The following LOXHD1 variants were observed in gnomAD, a reference collection of about 807,000 sequenced individuals.
The protein encoded by LOXHD1 is lipoxygenase homology PLAT domains 1, also known as lipoxygenase homology domain-containing protein 1.
Under a neutral mutation model 248.2 loss-of-function variants are expected in LOXHD1, and 205 were observed. The ratio of observed to expected loss-of-function variants is 0.83; its 90% CI spans 0.74 to 0.93. The LOEUF (loss-of-function observed/expected upper bound fraction) is 0.93. Ranked by LOEUF, LOXHD1 falls within the 40% of genes least tolerant of loss-of-function variation. The probability of loss-of-function intolerance (pLI) is 0.00; values close to 1 mark genes in which losing one functional copy is unlikely to be tolerated. For synonymous variants in LOXHD1, 1,113 were observed against 1,162.8 expected (o/e 0.96, Z 0.87); for missense variants, 2,930 against 2,971.6 (o/e 0.99, Z 0.33).
chr18:46,487,187 C>A (rs935861629), intron 38 of LOXHD1, among the ~76,000 whole-genome samples: 1 of 152,142 alleles, frequency 6.6e-6, no homozygotes. Flanking sequence ...CATAAAGGGG[C>A]CACCAGCAAA....
rs909418493 is a variant in LOXHD1 at position 46,611,045 on chromosome 18, A to G, written c.611-121T>C. ...AGTTAACAAGGGCAACTTCCTCCTGAGATCTAAGGGCTCCTTACATCCCTC... is the reference window on the plus strand; with the variant it reads ...AGTTAACAAGGGCAACTTCCTCCTGGGATCTAAGGGCTCCTTACATCCCTC... On this transcript the variant is annotated intron_variant, in intron 5 of 40. Transcript: ENST00000642948. 17 of 1,163,544 alleles carry G rather than the reference A, an allele frequency of 1.5e-5. No individual in the cohort carries two copies. In the African/African-American group the frequency reaches 2.5e-4, roughly 17 times the overall value. 72.1% of individuals were successfully genotyped at this position (1,163,544 alleles called of 1,614,324 possible).
intron 16 of LOXHD1, among the ~76,000 whole-genome samples, chr18:46,569,137 T>C (rs2037700840): frequency 6.6e-6 from 1 of 152,200 alleles, no homozygotes; most frequent in Admixed American, 6.5e-5. Context: ...TACATTGGTC[T>C]TGGATATGTA....
intron 2 of LOXHD1, 105 bp from the exon 3 acceptor site, chr18:46,642,141 G>A (rs996162450): frequency 7.9e-6 from 8 of 1,009,796 alleles, no homozygotes; most frequent in African/African-American, 1.6e-5. Context: ...TCCCACTCCT[G>A]GGGAGAGCTA....
intron 18 of LOXHD1, among the ~76,000 whole-genome samples, chr18:46,562,245 T>C (rs2037544793): frequency 6.6e-6 from 1 of 152,220 alleles, no homozygotes; most frequent in South Asian, 2.1e-4. Flanking sequence ...GCCCAGGTCC[T>C]AGTTCAGCCA....
chr18:46,540,334 C>T (rs1054272888), intron 25 of LOXHD1, among the ~76,000 whole-genome samples: 1 of 152,176 alleles, frequency 6.6e-6, no homozygotes, highest in African/African-American at 2.4e-5. Context: ...TGACCACTAG[C>T]CCCACAATGG....
chr18:46,618,450 G>T (rs1203769155), intron 4 of LOXHD1, among the ~76,000 whole-genome samples, 160 bp from the exon 5 acceptor site: 1 of 152,158 alleles, frequency 6.6e-6, no homozygotes, highest in East Asian at 1.9e-4. Flanking sequence ...AGTCCACATT[G>T]GTTCCAAATG....
chr18:46,520,418 G>A, intron 33 of LOXHD1: 1 of 406,318 alleles, frequency 2.5e-6, no homozygotes, highest in Non-Finnish European at 4.9e-6. Context: ...AAACCCACAG[G>A]GTCAGGTGAA....
rs1247516586 is a variant in LOXHD1, at chr18:46,538,385, AAAAC to A, written c.3914-52_3914-49del. On this transcript the variant is annotated intron_variant, in intron 25 of 40. Coordinates refer to ENST00000642948, the MANE Select transcript of LOXHD1 (RefSeq NM_001384474.1). The stretch of plus-strand genomic sequence containing the variant: ...AAAGCCAGAGTGGATGAGAGAACAG[AAAAC>A]AAACATGGTGAGAGCCAGTTCTTCA... 6.6e-6 allele frequency: 10 copies of A among 1,515,434 alleles called. No homozygotes were observed. In the Admixed American group the frequency reaches 2.0e-4, roughly 30 times the overall value. The allele number at this position is 1,515,434 out of a possible 1,614,324, so 93.9% of individuals were successfully genotyped here. A position where few individuals can be genotyped will look rare whatever the true frequency, so the allele number is the denominator to read the frequency against.
At chr18:46,584,620 A>G (rs2038025058) in intron 12 of LOXHD1, among the ~76,000 whole-genome samples, 1 of 152,146 alleles carries the variant, frequency 6.6e-6, no homozygotes, top group South Asian at 2.1e-4. Context: ...AGATGTTTTT[A>G]TTACTGAATT....
intron 39 of LOXHD1, among the ~76,000 whole-genome samples, chr18:46,484,156 G>A (rs962900095): frequency 6.6e-6 from 1 of 152,114 alleles, no homozygotes; most frequent in African/African-American, 2.4e-5. Flanking sequence ...TTGGGTTCAG[G>A]GAGGGAAAAG....
chr18:46,595,759 C>T (rs1341068298), intron 8 of LOXHD1, among the ~76,000 whole-genome samples: 1 of 152,196 alleles, frequency 6.6e-6, no homozygotes, highest in African/African-American at 2.4e-5. Flanking sequence ...GTTGAGGGCA[C>T]AGGAGGGTAT....
At chr18:46,518,008 G>A in intron 34 of LOXHD1, 121 bp downstream of exon 34, 1 of 1,239,326 alleles carries the variant, frequency 8.1e-7, no homozygotes, top group Non-Finnish European at 1.1e-6. Context: ...CAAAGGCAGA[G>A]GAAGGAAGGC....
At chr18:46,651,405 G>T (rs989332261) in intron 1 of LOXHD1, among the ~76,000 whole-genome samples, 1 of 152,122 alleles carries the variant, frequency 6.6e-6, no homozygotes, top group Non-Finnish European at 1.5e-5. Flanking sequence ...TCTCAGCACA[G>T]ACCTGGGACC....
rs11661096 is a variant in LOXHD1 at position 46,545,204 on chromosome 18, T to C, written c.3619+113A>G. On this transcript the variant is annotated intron_variant, in intron 23 of 40. Transcript: ENST00000642948. ...TTCTCGATGGGGCTAATTGCTTGCATCCTATTGAGAGACAAAAGCATAATT... is the reference window on the plus strand; with the variant it reads ...TTCTCGATGGGGCTAATTGCTTGCACCCTATTGAGAGACAAAAGCATAATT... The C allele has an allele frequency of 0.087, 67,014 of 772,260 alleles. 3,246 individuals carry two copies. The highest frequency in any genetic ancestry group is 0.1 in the Non-Finnish European group (46,275 of 456,032). The allele number at this position is 772,260 out of a possible 1,614,324, so 47.8% of individuals were successfully genotyped here. A position where few individuals can be genotyped will look rare whatever the true frequency, so the allele number is the denominator to read the frequency against.
chr18:46,560,467 C>T lies in LOXHD1; in HGVS notation c.2677G>A (p.Val893Met), dbSNP rs769899814. 3.2e-5 allele frequency: 50 copies of T among 1,541,324 alleles called. No homozygotes were observed. Among genetic ancestry groups the T allele is most frequent in the Admixed American group, 2.0e-4 (10 of 50,984 alleles). ...AGGTGCCGCAGCCACACGGTGTCCACGAACCAGCTGGGCCCAAAGCCCTCG... is the reference window on the plus strand; with the variant it reads ...AGGTGCCGCAGCCACACGGTGTCCATGAACCAGCTGGGCCCAAAGCCCTCG... Reference protein sequence around the residue: ...TGEGFGPSWFVDTVWLRHLVV... With the variant: ...TGEGFGPSWFMDTVWLRHLVV... The change falls in exon 19 of 41, where the codon GTG becomes ATG. Residue 893 changes from valine (V) to methionine (M), a missense_variant. Coordinates refer to ENST00000642948, the MANE Select transcript of LOXHD1 (RefSeq NM_001384474.1).
intron 12 of LOXHD1, among the ~76,000 whole-genome samples, chr18:46,590,160 C>T (rs918571737): frequency 3.3e-5 from 5 of 152,004 alleles, no homozygotes; most frequent in Admixed American, 1.3e-4. Context: ...ATAGATATTA[C>T]CTGTAAATTT....
At chr18:46,547,476 T>C (rs983865265) in intron 21 of LOXHD1, among the ~76,000 whole-genome samples, 2 of 152,194 alleles carry the variant, frequency 1.3e-5, no homozygotes. Flanking sequence ...ACTAATGGAT[T>C]TTAATGGAAT....
At chr18:46,480,666 T>A (rs1366846386) in intron 40 of LOXHD1, among the ~76,000 whole-genome samples, 1 of 151,702 alleles carries the variant, frequency 6.6e-6, no homozygotes, top group Non-Finnish European at 1.5e-5. Context: ...CCAGCCAGAG[T>A]AAAGGCAAAA....
chr18:46,531,259 CA>C (rs1282323890), intron 28 of LOXHD1, among the ~76,000 whole-genome samples: 5 of 152,168 alleles, frequency 3.3e-5, no homozygotes, highest in Non-Finnish European at 7.3e-5. Flanking sequence ...CAGCTCAGTG[CA>C]AAAACCTGTC....
Sources: allele counts gnomAD v4.1 joint callset (sites outside exome capture counted in the v4.1 genomes callset), GRCh38; gene constraint gnomAD v4.1.1; transcripts MANE v1.5; gene names NCBI Gene and HGNC (gene_info 2026-07-23, HGNC 2026-07-21).